DCLK1: variants seen among roughly 807,000 people sequenced by gnomAD.
The protein encoded by DCLK1 is doublecortin like kinase 1.
In DCLK1, 16 loss-of-function variants were observed where a neutral mutation model predicts 86.2. The observed-to-expected ratio is 0.19, with a 90% CI of 0.13 to 0.28. The LOEUF (loss-of-function observed/expected upper bound fraction) is 0.28, where lower values mean the gene tolerates loss of function less well. Among genes scored for constraint, DCLK1 ranks in the 10% least tolerant of loss-of-function variants. The pLI, the probability that DCLK1 is intolerant of heterozygous loss-of-function variation, is 1.00. For synonymous variants in DCLK1, 369 were observed against 370.5 expected (o/e 1.00, Z 0.05); for missense variants, 590 against 940.2 (o/e 0.63, Z 4.87).
At chr13:36,073,545 C>A (rs938464841) in intron 3 of DCLK1, among the ~76,000 whole-genome samples, 1 of 152,142 alleles carries the variant, frequency 6.6e-6, no homozygotes, top group African/African-American at 2.4e-5. Context: ...CTGAAGATAT[C>A]TGACAGATAA....
chr13:36,122,707 T>G (rs1335847772), intron 2 of DCLK1, among the ~76,000 whole-genome samples: 1 of 152,194 alleles, frequency 6.6e-6, no homozygotes, highest in Non-Finnish European at 1.5e-5. Flanking sequence ...GCATCATGAT[T>G]TTTTTAAAAA....
intron 9 of DCLK1, 38 bp downstream of exon 9, chr13:35,828,212 G>C: frequency 1.3e-6 from 2 of 1,537,000 alleles, no homozygotes; most frequent in Non-Finnish European, 1.8e-6. Context: ...TTGACCTCTT[G>C]AACACTCTTA....
chr13:36,043,434 T>C (rs1055453945), intron 3 of DCLK1, among the ~76,000 whole-genome samples: 1 of 151,910 alleles, frequency 6.6e-6, no homozygotes, highest in Non-Finnish European at 1.5e-5. Flanking sequence ...AGGTTCAACA[T>C]CTGACTTATA....
intron 3 of DCLK1, among the ~76,000 whole-genome samples, chr13:36,054,711 T>C (rs1460124069): frequency 3.3e-5 from 5 of 152,100 alleles, no homozygotes; most frequent in South Asian, 2.1e-4. Flanking sequence ...AAAAATAAAA[T>C]GAAGCAGCTG....
At chr13:35,926,448 G>A (rs1016469069) in intron 4 of DCLK1, among the ~76,000 whole-genome samples, 1 of 152,152 alleles carries the variant, frequency 6.6e-6, no homozygotes, top group Non-Finnish European at 1.5e-5. Flanking sequence ...TTTCTGCTTT[G>A]GATTGTCAAG....
intron 15 of DCLK1, among the ~76,000 whole-genome samples, chr13:35,803,268 A>G (rs1190541262): frequency 3.9e-5 from 6 of 152,190 alleles, no homozygotes; most frequent in Non-Finnish European, 7.4e-5. Context: ...ATGAGGCTCA[A>G]GTAAGATGCT....
At chr13:35,984,610 T>G (rs1372985394) in intron 3 of DCLK1, among the ~76,000 whole-genome samples, 1 of 152,204 alleles carries the variant, frequency 6.6e-6, no homozygotes, top group Non-Finnish European at 1.5e-5. Flanking sequence ...CTTGGCAAAT[T>G]TATGTGAGAT....
chr13:35,927,954 C>A (rs960576598), intron 4 of DCLK1, among the ~76,000 whole-genome samples: 1 of 152,182 alleles, frequency 6.6e-6, no homozygotes, highest in South Asian at 2.1e-4. Context: ...GTGTCCTGAT[C>A]CCACAAGGAG....
rs906674901 is a variant in DCLK1 at position 35,769,283 on chromosome 13, A to T, written c.*5252T>A. 6.6e-6 allele frequency: 1 copy of T among 152,174 alleles called. No homozygotes were observed. Among genetic ancestry groups the T allele is most frequent in the Non-Finnish European group, 1.5e-5 (1 of 68,032 alleles). The allele number at this position is 152,174 out of a possible 1,614,324, so 9.4% of individuals were successfully genotyped here. On this transcript the variant is annotated 3_prime_UTR_variant, in exon 17 of 17. Coordinates refer to ENST00000360631, the MANE Select transcript of DCLK1 (RefSeq NM_001330071.2). ...TAAATTCAGTATTTTCAAAAGAAATATTGAATTTTTTTCTTGAGTCAAATT... is the reference window on the plus strand; with the variant it reads ...TAAATTCAGTATTTTCAAAAGAAATTTTGAATTTTTTTCTTGAGTCAAATT...
chr13:35,883,892 C>T (rs2153117183), intron 4 of DCLK1, among the ~76,000 whole-genome samples: 1 of 152,326 alleles, frequency 6.6e-6, no homozygotes, highest in Non-Finnish European at 1.5e-5. Context: ...TTGCACAGTG[C>T]AGTGGCTTCA....
intron 5 of DCLK1, 22 bp from the exon 6 acceptor site, chr13:35,854,615 C>A: frequency 1.3e-6 from 2 of 1,541,880 alleles, no homozygotes; most frequent in Non-Finnish European, 1.8e-6. Context: ...AAGAATCACA[C>A]ACAGAGAAAA....
chr13:35,895,857 A>G (rs1036851943), intron 4 of DCLK1, among the ~76,000 whole-genome samples: 4 of 152,130 alleles, frequency 2.6e-5, no homozygotes, highest in Non-Finnish European at 5.9e-5. Context: ...TAAATTTTTA[A>G]TAGAAAAAAC....
chr13:35,867,907 GAA>G (rs370346232), intron 5 of DCLK1, among the ~76,000 whole-genome samples: 41 of 44,662 alleles, frequency 9.2e-4, no homozygotes, highest in Middle Eastern at 9.1e-3. Flanking sequence ...GAGAAAGAAA[GAA>G]AAAGAAAGAA....
intron 3 of DCLK1, among the ~76,000 whole-genome samples, chr13:36,098,364 C>G (rs928659903): frequency 6.6e-6 from 1 of 152,072 alleles, no homozygotes; most frequent in Non-Finnish European, 1.5e-5. Flanking sequence ...GTGCACTATC[C>G]CAGAACTGAT....
chr13:35,812,167 G>A (rs2087160562), intron 11 of DCLK1, among the ~76,000 whole-genome samples: 1 of 152,148 alleles, frequency 6.6e-6, no homozygotes, highest in Non-Finnish European at 1.5e-5. Context: ...CAAAACAAAT[G>A]GAGCTGCTCT....
chr13:35,891,583 T>C (rs930213435), intron 4 of DCLK1, among the ~76,000 whole-genome samples: 7 of 152,176 alleles, frequency 4.6e-5, no homozygotes, highest in Non-Finnish European at 5.9e-5. Flanking sequence ...CTAAAAACCA[T>C]CGAATCGTAC....
At chr13:35,939,885 A>G (rs1876983737) in intron 4 of DCLK1, among the ~76,000 whole-genome samples, 1 of 152,240 alleles carries the variant, frequency 6.6e-6, no homozygotes, top group Admixed American at 6.5e-5. Context: ...GCAAATCACT[A>G]GTCATTTTAC....
intron 3 of DCLK1, among the ~76,000 whole-genome samples, chr13:36,047,421 A>T (rs1307553375): frequency 3.3e-5 from 5 of 152,202 alleles, no homozygotes; most frequent in Non-Finnish European, 7.3e-5. Flanking sequence ...TATGGAAGCA[A>T]TCTAAGTGTC....
At chr13:35,935,789 C>A (rs1342547806) in intron 4 of DCLK1, among the ~76,000 whole-genome samples, 1 of 152,166 alleles carries the variant, frequency 6.6e-6, no homozygotes, top group African/African-American at 2.4e-5. Flanking sequence ...TGACCTCTGC[C>A]TTTAATACTA....
Sources: allele counts gnomAD v4.1 joint callset (sites outside exome capture counted in the v4.1 genomes callset), GRCh38; gene constraint gnomAD v4.1.1; transcripts MANE v1.5; gene names NCBI Gene and HGNC (gene_info 2026-07-23, HGNC 2026-07-21).